MKS1: variants seen among roughly 807,000 people sequenced by gnomAD.
MKS1 encodes MKS transition zone complex subunit 1.
In MKS1, 70 loss-of-function variants were observed where a neutral mutation model predicts 83.7. The ratio of observed to expected loss-of-function variants is 0.84; its 90% CI spans 0.69 to 1.02. MKS1 has a LOEUF of 1.02. MKS1 is among the 50% of genes least tolerant of loss of function. The pLI is 0.00. For synonymous variants in MKS1, 251 were observed against 273.4 expected, an observed-to-expected ratio of 0.92 and a Z score of 0.81; for missense variants, 681 against 726.9, an observed-to-expected ratio of 0.94 and a Z score of 0.73.
In MKS1 at chr17:58,205,582, C is replaced by T. The variant is rs1264120127; in HGVS notation, c.*497G>A. 1.5e-6 allele frequency: 2 copies of T among 1,305,446 alleles called. No individual in the cohort carries two copies. Among genetic ancestry groups the T allele is most frequent in the Admixed American group, 2.3e-5 (1 of 43,586 alleles). The allele number at this position is 1,305,446 out of a possible 1,614,324, so 80.9% of individuals were successfully genotyped here. A position where few individuals can be genotyped will look rare whatever the true frequency, so the allele number is the denominator to read the frequency against. On this transcript the variant is annotated 3_prime_UTR_variant, in exon 18 of 18. Coordinates refer to ENST00000393119, the MANE Select transcript of MKS1 (RefSeq NM_017777.4). ...ACTCAGAAATAACTCATATCTCAAC[C>T]TCAGCAAGCCCCAAGCAGTAGAATG...
At chr17:58,214,479 T>C (rs1251533778) in intron 5 of MKS1, 92 bp from the exon 6 acceptor site, 1 of 1,583,604 alleles carries the variant, frequency 6.3e-7, no homozygotes, top group Non-Finnish European at 8.6e-7. Flanking sequence ...TTTGAGCTAG[T>C]GGACATACTG....
In MKS1 at chr17:58,207,938, T is replaced by A. The variant is rs774267957; in HGVS notation, c.1229A>T (p.Tyr410Phe). Reference sequence around the variant, plus strand: ...CACAGCCCCATAGCCTTCCACACGGTACCTCTGCCAGAAGTCCAGCGAGAG... The same window carrying A: ...CACAGCCCCATAGCCTTCCACACGGAACCTCTGCCAGAAGTCCAGCGAGAG... ...EVLSLDFWQR[Y>F]RVEGYGAVVL... is the part of the protein sequence containing the mutation. The change falls in exon 14 of 18, where the codon TAC becomes TTC. Residue 410 changes from tyrosine (Y) to phenylalanine (F), a missense_variant. Physicochemically the swap from Tyr to Phe is conservative, Grantham distance 22. This residue lies in a region of MKS1 where 310 missense variants were observed against 321.7 expected (regional missense o/e 0.96). Coordinates refer to ENST00000393119, the MANE Select transcript of MKS1 (RefSeq NM_017777.4). 2.2e-5 allele frequency: 35 copies of A among 1,614,046 alleles called. No individual in the cohort carries two copies. Among genetic ancestry groups the A allele is most frequent in the Non-Finnish European group, 2.8e-5 (33 of 1,179,992 alleles).
chr17:58,208,441 TG>T, intron 12 of MKS1, 71 bp downstream of exon 12: 2 of 1,561,070 alleles, frequency 1.3e-6, no homozygotes, highest in Non-Finnish European at 1.8e-6. Context: ...GCACTTGGCC[TG>T]ATAAAACCTC....
chr17:58,207,589 A>G (rs1423609725), intron 14 of MKS1: 2 of 544,698 alleles, frequency 3.7e-6, no homozygotes, highest in African/African-American at 1.9e-5. Context: ...CTTTTATTCC[A>G]AACTGAATGC....
At chr17:58,207,739 G>T (rs1372620133) in intron 14 of MKS1, 155 bp downstream of exon 14, 1 of 748,824 alleles carries the variant, frequency 1.3e-6, no homozygotes, top group Admixed American at 2.0e-5. Flanking sequence ...GCTAATGGAG[G>T]GGGGCAGAAA....
intron 2 of MKS1, among the ~76,000 whole-genome samples, chr17:58,217,937 G>A (rs1023046019): frequency 3.3e-5 from 5 of 152,178 alleles, no homozygotes; most frequent in African/African-American, 7.2e-5. Flanking sequence ...AACAGAAAGA[G>A]AAACAATAAA....
chr17:58,219,146 A>G lies in MKS1; in HGVS notation c.80+5T>C. 1 of 1,551,168 alleles carries G rather than the reference A, an allele frequency of 6.4e-7. No individual in the cohort carries two copies. Among genetic ancestry groups the G allele is most frequent in the Non-Finnish European group, 8.7e-7 (1 of 1,146,992 alleles). On this transcript the variant is annotated splice_donor_5th_base_variant and intron_variant, in intron 1 of 17. Coordinates refer to ENST00000393119, the MANE Select transcript of MKS1 (RefSeq NM_017777.4). ...GGGGCCTCGGGGCTGGGGCGGTGCG[A>G]CTACCGGAGGCGCAAGTTGCGCACG...
chr17:58,214,761 G>A lies in MKS1; in HGVS notation c.495C>T (p.Arg165=). 1 of 1,606,794 alleles carries A rather than the reference G, an allele frequency of 6.2e-7. No homozygotes were observed. Among genetic ancestry groups the A allele is most frequent in the Non-Finnish European group, 8.5e-7 (1 of 1,179,788 alleles). Residue 165 remains arginine (R), a synonymous_variant, in exon 5 of 18, where the codon CGC becomes CGT. Transcript: ENST00000393119. ...CTCACATCCCTCGCCTGTCCTGCCGGCGACGCCTGACATTTGCCATTCGCT... is the reference window on the plus strand; with the variant it reads ...CTCACATCCCTCGCCTGTCCTGCCGACGACGCCTGACATTTGCCATTCGCT... ...LVERMANVRR[R]RQDRRGMEGG... is the part of the protein sequence containing the mutation.
At position 58,205,955 on chromosome 17, in the gene MKS1, C is replaced by T; in HGVS notation, c.*124G>A. 1 of 1,525,032 alleles carries T rather than the reference C, an allele frequency of 6.6e-7. No individual in the cohort carries two copies. The highest frequency in any genetic ancestry group is 8.8e-7 in the Non-Finnish European group (1 of 1,139,418). The allele number at this position is 1,525,032 out of a possible 1,614,324, so 94.5% of individuals were successfully genotyped here. On this transcript the variant is annotated 3_prime_UTR_variant, in exon 18 of 18. Coordinates refer to ENST00000393119, the MANE Select transcript of MKS1 (RefSeq NM_017777.4). ...GCAGAGGGGCCAGCCGGGAATTTCC[C>T]AGCTTTTCTGGTTCTCAGCAGACCA...
At chr17:58,207,816 C>T (rs1415943570) in intron 14 of MKS1, 78 bp downstream of exon 14, 1 of 1,332,412 alleles carries the variant, frequency 7.5e-7, no homozygotes, top group East Asian at 2.3e-5. Context: ...CCACCCCTCA[C>T]CAGAAGCATT....
intron 11 of MKS1, 57 bp from the exon 12 acceptor site, chr17:58,208,640 G>A: frequency 6.8e-7 from 1 of 1,464,716 alleles, no homozygotes; most frequent in East Asian, 2.3e-5. Flanking sequence ...AAGTCATTCA[G>A]AAAAAGACAG....
chr17:58,219,054 G>A, intron 1 of MKS1, 97 bp downstream of exon 1: 1 of 1,490,578 alleles, frequency 6.7e-7, no homozygotes, highest in Non-Finnish European at 9.0e-7. Flanking sequence ...GGTCGGGATT[G>A]TAAGCAGAAA....
chr17:58,208,185 G>A lies in MKS1; in HGVS notation c.1096-11C>T. 2.5e-6 allele frequency: 4 copies of A among 1,605,598 alleles called. No individual in the cohort carries two copies. Among genetic ancestry groups the A allele is most frequent in the Non-Finnish European group, 3.4e-6 (4 of 1,172,244 alleles). On this transcript the variant is annotated splice_polypyrimidine_tract_variant and intron_variant, in intron 12 of 17. Coordinates refer to ENST00000393119, the MANE Select transcript of MKS1 (RefSeq NM_017777.4). The stretch of plus-strand genomic sequence containing the variant: ...GTGAGCCACCTTGTCCTATAAAAAG[G>A]AGTGTCATAGGGTGGGCAAGGCCTC...
intron 9 of MKS1, among the ~76,000 whole-genome samples, chr17:58,211,525 A>G (rs765716547): frequency 3.9e-5 from 6 of 152,234 alleles, no homozygotes; most frequent in Non-Finnish European, 2.9e-5. Context: ...TTAGAATGAG[A>G]AAAGACAAAG....
At chr17:58,212,581 A>G (rs1968937852) in intron 8 of MKS1, 147 bp from the exon 9 acceptor site, 5 of 882,212 alleles carry the variant, frequency 5.7e-6, no homozygotes, top group Middle Eastern at 4.6e-4. Flanking sequence ...TTTACCGTGA[A>G]GCAGAGGCCC....
At position 58,216,737 on chromosome 17, in the gene MKS1, C is replaced by T. The variant is rs201362733; in HGVS notation, c.191-1G>A. 1 of 1,614,016 alleles carries T rather than the reference C, an allele frequency of 6.2e-7. No individual in the cohort carries two copies. The highest frequency in any genetic ancestry group is 1.3e-5 in the African/African-American group (1 of 74,920). ...TCGTCTTCCTCTGGGCGGTGTCCAC[C>T]TCCAAAGACAACAGAGTGAATCAAA... On this transcript the variant is annotated splice_acceptor_variant, in intron 2 of 17. Coordinates refer to ENST00000393119, the MANE Select transcript of MKS1 (RefSeq NM_017777.4). LOFTEE classifies it high-confidence loss of function.
intron 8 of MKS1, 31 bp from the exon 9 acceptor site, chr17:58,212,465 A>G: frequency 1.9e-6 from 3 of 1,612,370 alleles, no homozygotes; most frequent in Non-Finnish European, 2.5e-6. Flanking sequence ...AAAACTCAAG[A>G]TGCAACCCAA....
chr17:58,219,092 G>A, intron 1 of MKS1, 59 bp downstream of exon 1: 1 of 1,542,678 alleles, frequency 6.5e-7, no homozygotes, highest in East Asian at 2.4e-5. Context: ...CCGAGCTCAG[G>A]TTGGAATGAT....
At chr17:58,213,130 T>C in intron 7 of MKS1, 40 bp from the exon 8 acceptor site, 1 of 1,587,892 alleles carries the variant, frequency 6.3e-7, no homozygotes, top group Non-Finnish European at 8.6e-7. Context: ...ACTCTAATAA[T>C]GAGAGATGGG....
Sources: gnomAD v4.1 joint callset for allele counts (sites outside exome capture counted in the v4.1 genomes callset) on GRCh38, gnomAD v4.1.1 for gene constraint, gnomAD v4.1.1 regional missense constraint, MANE v1.5 for transcripts, NCBI Gene and HGNC (gene_info 2026-07-23, HGNC 2026-07-21) for gene names.